Variants in KDM4B observed in about 807,000 individuals in gnomAD.
KDM4B encodes the protein lysine demethylase 4B, also known as lysine-specific demethylase 4B.
In KDM4B, 32 loss-of-function variants were observed where a neutral mutation model predicts 125.2. The observed-to-expected ratio is 0.26, with a 90% CI of 0.19 to 0.34. The LOEUF (loss-of-function observed/expected upper bound fraction) is 0.34. Ranked by LOEUF, KDM4B falls within the 10% of genes least tolerant of loss-of-function variation. The pLI is 1.00. For missense variants in KDM4B, 1,190 were observed against 1,577.7 expected (o/e 0.75, Z 4.16); for synonymous variants, 721 against 677.9 (o/e 1.06, Z -0.99).
intron 9 of KDM4B, among the ~76,000 whole-genome samples, chr19:5,106,109 C>T (rs1361935108): frequency 6.6e-6 from 1 of 152,206 alleles, no homozygotes; most frequent in Non-Finnish European, 1.5e-5. Context: ...TTTTGTGTTT[C>T]TTCAGGTAAC....
At chr19:5,061,194 C>T (rs1017293786) in intron 6 of KDM4B, among the ~76,000 whole-genome samples, 6 of 152,226 alleles carry the variant, frequency 3.9e-5, no homozygotes, top group Non-Finnish European at 2.9e-5. Flanking sequence ...CTGTCTCCTC[C>T]GCCTGCTGCT....
chr19:5,103,853 C>T (rs887415361), intron 9 of KDM4B, among the ~76,000 whole-genome samples: 8 of 152,250 alleles, frequency 5.3e-5, no homozygotes, highest in Non-Finnish European at 5.9e-5. Flanking sequence ...TCCTGATCCC[C>T]TTCCCCACCC....
intron 6 of KDM4B, among the ~76,000 whole-genome samples, chr19:5,050,931 C>T (rs1032863870): frequency 2.0e-5 from 3 of 152,234 alleles, no homozygotes; most frequent in East Asian, 1.9e-4. Context: ...AATAAAAAGA[C>T]CCTCCTGGAA....
rs73546232 is a variant in KDM4B, at chr19:5,128,612, C to T, written c.1316-2464C>T. Among the ~76,000 whole-genome samples, 1,415 of 152,276 alleles carry T rather than the reference C, an allele frequency of 9.3e-3. 21 individuals are homozygous for T. Among genetic ancestry groups the T allele is most frequent in the African/African-American group, 0.033 (1,355 of 41,544 alleles). Reference sequence around the variant, plus strand: ...GACAGTGGCTTTCCTGACAGGCGCTCGGGGTGAGGCGTGCGGCCTCTGCAG... The same window carrying T: ...GACAGTGGCTTTCCTGACAGGCGCTTGGGGTGAGGCGTGCGGCCTCTGCAG... On this transcript the variant is annotated intron_variant, in intron 11 of 22. Transcript: ENST00000159111.
At chr19:5,106,461 G>C (rs542409700) in intron 9 of KDM4B, among the ~76,000 whole-genome samples, 1 of 152,158 alleles carries the variant, frequency 6.6e-6, no homozygotes. Context: ...TCCTGAGGCC[G>C]CCAGGGTCTG....
In KDM4B at chr19:5,137,956, T is replaced by TCC. The variant is rs1344115235; in HGVS notation, c.2442-4_2442-3dup. 1 of 1,609,786 alleles carries TCC rather than the reference T, an allele frequency of 6.2e-7. No homozygotes were observed. Among genetic ancestry groups the TCC allele is most frequent in the Non-Finnish European group, 8.5e-7 (1 of 1,178,244 alleles). ...GCACCTGACCCCGCTGCACCTGCCCTCCCAGGTGGATCCACGTGATCTGTG... is the reference window on the plus strand; with the variant it reads ...GCACCTGACCCCGCTGCACCTGCCCTCCCCCAGGTGGATCCACGTGATCTGTG... On this transcript the variant is annotated splice_polypyrimidine_tract_variant and splice_region_variant and intron_variant, in intron 17 of 22. Coordinates refer to ENST00000159111, the MANE Select transcript of KDM4B (RefSeq NM_015015.3).
At chr19:5,002,825 C>T (rs1233632015) in intron 1 of KDM4B, among the ~76,000 whole-genome samples, 1 of 151,924 alleles carries the variant, frequency 6.6e-6, no homozygotes, top group Non-Finnish European at 1.5e-5. Context: ...GTGGTGTATG[C>T]CTGTGGTCCC....
chr19:5,004,708 G>A (rs1395478047), intron 1 of KDM4B, among the ~76,000 whole-genome samples: 1 of 152,140 alleles, frequency 6.6e-6, no homozygotes, highest in Non-Finnish European at 1.5e-5. Flanking sequence ...AGCGTGAGAA[G>A]TCACCCACAG....
At chr19:5,054,636 C>G (rs1241959626) in intron 6 of KDM4B, among the ~76,000 whole-genome samples, 1 of 152,228 alleles carries the variant, frequency 6.6e-6, no homozygotes, top group East Asian at 1.9e-4. Flanking sequence ...TAACTGAGAA[C>G]TGGACTTTAC....
chr19:5,011,916 G>A (rs1407104356), intron 1 of KDM4B, among the ~76,000 whole-genome samples: 5 of 152,180 alleles, frequency 3.3e-5, no homozygotes, highest in African/African-American at 4.8e-5. Flanking sequence ...CTCTTCTTCC[G>A]CCCCACCCGC....
chr19:4,972,669 T>C (rs1331995778), intron 1 of KDM4B, among the ~76,000 whole-genome samples: 1 of 152,154 alleles, frequency 6.6e-6, no homozygotes, highest in Non-Finnish European at 1.5e-5. Flanking sequence ...CCTTCAGCCC[T>C]GCAGTAGCTC....
chr19:4,981,351 CT>C (rs2034635438), intron 1 of KDM4B, among the ~76,000 whole-genome samples: 1 of 152,144 alleles, frequency 6.6e-6, no homozygotes, highest in African/African-American at 2.4e-5. Flanking sequence ...GTCTGGTTAG[CT>C]GTGCCGGCCT....
intron 11 of KDM4B, among the ~76,000 whole-genome samples, chr19:5,124,503 T>C: frequency 6.6e-6 from 1 of 152,162 alleles, no homozygotes; most frequent in Non-Finnish European, 1.5e-5. Flanking sequence ...GAGCAGACTC[T>C]AGGGGCTGGC....
chr19:5,017,801 C>T lies in KDM4B; in HGVS notation c.-26+1462C>T, dbSNP rs186562106. ...TGTCACCCAGGCTGGAGTGCAGTGG[C>T]GTGATCTCAGCTCACTGCAAGCTCC... On this transcript the variant is annotated intron_variant, in intron 2 of 22. Transcript: ENST00000159111. Among the ~76,000 whole-genome samples the T allele has an allele frequency of 6.3e-3, 882 of 140,114 alleles. 6 individuals carry two copies. Among genetic ancestry groups the T allele is most frequent in the African/African-American group, 0.022 (832 of 37,566 alleles). The allele number at this position is 140,114 out of a possible 152,430, so 91.9% of individuals were successfully genotyped here. A position where few individuals can be genotyped will look rare whatever the true frequency, so the allele number is the denominator to read the frequency against.
At chr19:5,118,890 C>G (rs1159043789) in intron 10 of KDM4B, among the ~76,000 whole-genome samples, 2 of 152,178 alleles carry the variant, frequency 1.3e-5, no homozygotes, top group African/African-American at 2.4e-5. Context: ...TGGCCCACGC[C>G]TGCCCCGTGA....
chr19:5,059,519 G>A (rs2037516502), intron 6 of KDM4B, among the ~76,000 whole-genome samples: 1 of 152,230 alleles, frequency 6.6e-6, no homozygotes, highest in African/African-American at 2.4e-5. Flanking sequence ...CCCAGGGAGG[G>A]ACCCAGCATC....
intron 6 of KDM4B, 99 bp from the exon 7 acceptor site, chr19:5,070,911 G>A (rs1568274825): frequency 7.9e-7 from 1 of 1,261,130 alleles, no homozygotes; most frequent in Admixed American, 1.9e-5. Context: ...CTTCTGCCCT[G>A]GGCACTGTCT....
Position 5,054,082 on chromosome 19 carries a change from C to T in KDM4B, c.626+6413C>T, listed in dbSNP as rs138712013. ...GGCCTCAGTGACCAGCTCAGCTCTC[C>T]TAGCTTTATTTATTTTATTTTAGAT... On this transcript the variant is annotated intron_variant, in intron 6 of 22. Transcript: ENST00000159111. Among the ~76,000 whole-genome samples the T allele has an allele frequency of 1.2e-4, 19 of 152,286 alleles. No individual in the cohort carries two copies. In the East Asian group the frequency reaches 3.7e-3, roughly 29 times the overall value.
chr19:5,135,748 C>T (rs750139621), intron 15 of KDM4B, among the ~76,000 whole-genome samples, 187 bp downstream of exon 15: 10 of 152,222 alleles, frequency 6.6e-5, no homozygotes, highest in Admixed American at 1.3e-4. Flanking sequence ...TCATCCTTCC[C>T]GTTGTGGTCC....
Sources: gnomAD v4.1 joint callset for allele counts (sites outside exome capture counted in the v4.1 genomes callset) on GRCh38, gnomAD v4.1.1 for gene constraint, MANE v1.5 for transcripts, NCBI Gene and HGNC (gene_info 2026-07-23, HGNC 2026-07-21) for gene names.